Variants in SNTG1 observed in about 807,000 individuals in gnomAD.
The protein encoded by SNTG1 is gamma-1-syntrophin.
SNTG1 carries 39 observed loss-of-function variants against 74.7 expected under a neutral mutation model. That is an observed-to-expected ratio of 0.52 (90% CI 0.40 to 0.68). The LOEUF is 0.68. SNTG1 is among the 30% of genes least tolerant of loss of function. The probability of loss-of-function intolerance (pLI) is 0.00; values close to 1 mark genes in which losing one functional copy is unlikely to be tolerated. For synonymous variants in SNTG1, 254 were observed against 217.1 expected (o/e 1.17, Z -1.49); for missense variants, 685 against 609.5 (o/e 1.12, Z -1.30).
intron 1 of SNTG1, among the ~76,000 whole-genome samples, chr8:50,070,317 A>C (rs113740582): frequency 6.6e-6 from 1 of 152,192 alleles, no homozygotes; most frequent in Non-Finnish European, 1.5e-5. Context: ...TGGCTCCCAT[A>C]ATTTAAAAAA....
chr8:50,343,266 T>C (rs1294540725), intron 2 of SNTG1, among the ~76,000 whole-genome samples: 2 of 152,156 alleles, frequency 1.3e-5, no homozygotes, highest in Admixed American at 6.5e-5. Context: ...ATTCAATAGA[T>C]TACATGGCAT....
At chr8:50,146,346 C>T (rs192846565) in intron 1 of SNTG1, among the ~76,000 whole-genome samples, 1 of 151,942 alleles carries the variant, frequency 6.6e-6, no homozygotes, top group Admixed American at 6.6e-5. Flanking sequence ...GGTGAAACCC[C>T]GTCTGTACTA....
At position 50,601,660 on chromosome 8, in the gene SNTG1, A is replaced by C. The variant is rs374949735; in HGVS notation, c.849+10743A>C. ...TCATTTGTTCTAAAGTGCAAGATTA[A>C]ATATGATTTTCTTTGTTGATTTTCT... On this transcript the variant is annotated intron_variant, in intron 13 of 18. Transcript: ENST00000642720. Among the ~76,000 whole-genome samples, 3 of 152,114 alleles carry C rather than the reference A, an allele frequency of 2.0e-5. No homozygotes were observed. The East Asian group carries it at 5.8e-4, about 29-fold the overall frequency.
At chr8:50,611,369 A>G (rs1194089802) in intron 13 of SNTG1, among the ~76,000 whole-genome samples, 1 of 152,184 alleles carries the variant, frequency 6.6e-6, no homozygotes, top group African/African-American at 2.4e-5. Context: ...AATCCCAGAC[A>G]GAGAACAGAG....
In SNTG1 at chr8:50,795,616, C is replaced by T. The variant is rs749798117; in HGVS notation, c.*2787C>T. 1.3e-4 allele frequency: 20 copies of T among 151,780 alleles called. No homozygotes were observed. The highest frequency in any genetic ancestry group is 2.8e-4 in the Non-Finnish European group (19 of 67,860). The allele number at this position is 151,780 out of a possible 1,614,324, so 9.4% of individuals were successfully genotyped here. ...GTGTAAGTGTTATCATTAAAGGGTT[C>T]ATTACAGTGTACATAACACAAGCTT... On this transcript the variant is annotated 3_prime_UTR_variant, in exon 19 of 19. Coordinates refer to ENST00000642720, the MANE Select transcript of SNTG1 (RefSeq NM_018967.5).
Position 49,994,726 on chromosome 8 carries a change from G to A in SNTG1, c.-103+82495G>A, listed in dbSNP as rs372468261. Among the ~76,000 whole-genome samples, 27 of 151,632 alleles carry A rather than the reference G, an allele frequency of 1.8e-4. No individual in the cohort carries two copies. In the East Asian group the frequency reaches 4.5e-3, roughly 25 times the overall value. On this transcript the variant is annotated intron_variant, in intron 1 of 18. Transcript: ENST00000642720. Reference sequence around the variant, plus strand: ...TCATTTTTTTTTTCTCTGAACCTAAGAAACATCCTCATATAATGAGATGAA... The same window carrying A: ...TCATTTTTTTTTTCTCTGAACCTAAAAAACATCCTCATATAATGAGATGAA...
chr8:50,236,312 A>G (rs770265445), intron 2 of SNTG1, among the ~76,000 whole-genome samples: 3 of 152,138 alleles, frequency 2.0e-5, no homozygotes, highest in Non-Finnish European at 2.9e-5. Flanking sequence ...CATAATATTT[A>G]TTTCTAATTA....
At chr8:50,258,946 A>C (rs1235131721) in intron 2 of SNTG1, among the ~76,000 whole-genome samples, 7 of 152,254 alleles carry the variant, frequency 4.6e-5, no homozygotes, top group African/African-American at 1.7e-4. Context: ...ACACACCAAA[A>C]AGTTCAACAA....
rs1443147502 is a variant in SNTG1 at position 50,719,209 on chromosome 8, T to A, written c.1284+10231T>A. ...AATGTGTTCCTTCAAAATTCATACA[T>A]TAGAACCTAATACCTCATGTGATAG... On this transcript the variant is annotated intron_variant, in intron 17 of 18. Coordinates refer to ENST00000642720, the MANE Select transcript of SNTG1 (RefSeq NM_018967.5). Among the ~76,000 whole-genome samples the A allele has an allele frequency of 2.6e-5, 4 of 152,162 alleles. No individual in the cohort carries two copies. In the East Asian group the frequency reaches 5.8e-4, roughly 22 times the overall value.
chr8:50,078,767 G>A (rs1381269799), intron 1 of SNTG1, among the ~76,000 whole-genome samples: 1 of 152,102 alleles, frequency 6.6e-6, no homozygotes, highest in African/African-American at 2.4e-5. Flanking sequence ...CTGTGTCCAT[G>A]TGTTCTCATT....
chr8:50,484,921 A>G (rs1176726698), intron 8 of SNTG1, among the ~76,000 whole-genome samples: 1 of 152,150 alleles, frequency 6.6e-6, no homozygotes, highest in Non-Finnish European at 1.5e-5. Context: ...TCAGTCTGTA[A>G]AATATGTCTT....
chr8:50,376,896 C>T (rs1450804942), intron 2 of SNTG1, among the ~76,000 whole-genome samples: 2 of 151,574 alleles, frequency 1.3e-5, no homozygotes, highest in Admixed American at 6.6e-5. Context: ...GTGCTCTTTA[C>T]ATGCTGCATT....
At chr8:50,320,622 C>G (rs988469879) in intron 2 of SNTG1, among the ~76,000 whole-genome samples, 1 of 151,242 alleles carries the variant, frequency 6.6e-6, no homozygotes, top group South Asian at 2.1e-4. Context: ...ATTTAAAGCT[C>G]TTCTTCTTTT....
At chr8:50,167,223 GTAAC>G (rs1391956563) in intron 1 of SNTG1, among the ~76,000 whole-genome samples, 1 of 143,786 alleles carries the variant, frequency 7.0e-6, no homozygotes, top group Non-Finnish European at 1.5e-5. Flanking sequence ...GTATACATAT[GTAAC>G]TAACCTGCAC....
At chr8:49,992,086 G>T (rs757079854) in intron 1 of SNTG1, among the ~76,000 whole-genome samples, 6 of 152,176 alleles carry the variant, frequency 3.9e-5, no homozygotes, top group Non-Finnish European at 7.3e-5. Flanking sequence ...TGCGGGAACA[G>T]AACTGGAACA....
chr8:50,542,739 A>G (rs146417325), intron 11 of SNTG1, among the ~76,000 whole-genome samples: 93 of 152,264 alleles, frequency 6.1e-4, no homozygotes, highest in African/African-American at 2.0e-3. Context: ...CTTTCTCCAC[A>G]TCCTCAACAG....
At chr8:50,064,646 A>C (rs2130959493) in intron 1 of SNTG1, among the ~76,000 whole-genome samples, 1 of 151,996 alleles carries the variant, frequency 6.6e-6, no homozygotes, top group Non-Finnish European at 1.5e-5. Flanking sequence ...CTCCAACCTC[A>C]TTTCTCCTGA....
At chr8:50,555,424 G>A (rs1479489752) in intron 12 of SNTG1, among the ~76,000 whole-genome samples, 2 of 152,156 alleles carry the variant, frequency 1.3e-5, no homozygotes, top group African/African-American at 4.8e-5. Context: ...TGATTTCAGA[G>A]AAGGCAGAAT....
intron 8 of SNTG1, among the ~76,000 whole-genome samples, chr8:50,499,999 G>C (rs2093937367): frequency 6.6e-6 from 1 of 151,830 alleles, no homozygotes; most frequent in African/African-American, 2.4e-5. Flanking sequence ...TTTATCTTTA[G>C]TTTGCAATAT....
Sources: allele counts gnomAD v4.1 joint callset (sites outside exome capture counted in the v4.1 genomes callset), GRCh38; gene constraint gnomAD v4.1.1; transcripts MANE v1.5; gene names NCBI Gene and HGNC (gene_info 2026-07-23, HGNC 2026-07-21).